Variants in ALDH1L1 observed in about 807,000 individuals in gnomAD.
The protein encoded by ALDH1L1 is cytosolic 10-formyltetrahydrofolate dehydrogenase.
In ALDH1L1, 68 loss-of-function variants were observed where a neutral mutation model predicts 101.1. That is an observed-to-expected ratio of 0.67 (90% CI 0.55 to 0.82). ALDH1L1 has a LOEUF of 0.82. Ranked by LOEUF, ALDH1L1 falls within the 40% of genes least tolerant of loss-of-function variation. The pLI, the probability that ALDH1L1 is intolerant of heterozygous loss-of-function variation, is 0.00. For synonymous variants in ALDH1L1, 486 were observed against 470.8 expected, an observed-to-expected ratio of 1.03 and a Z score of -0.42; for missense variants, 1,087 against 1,172.7, an observed-to-expected ratio of 0.93 and a Z score of 1.07.
intron 1 of ALDH1L1, among the ~76,000 whole-genome samples, chr3:126,191,885 A>G (rs1193758121): frequency 6.6e-6 from 1 of 152,192 alleles, no homozygotes; most frequent in African/African-American, 2.4e-5. Context: ...TACATGCCAA[A>G]TGAGGGGAGA....
At chr3:126,110,694 C>T (rs1037084209) in intron 19 of ALDH1L1, among the ~76,000 whole-genome samples, 2 of 152,090 alleles carry the variant, frequency 1.3e-5, no homozygotes, top group Non-Finnish European at 2.9e-5. Flanking sequence ...ACTCGAGCAC[C>T]CGGCACACCC....
chr3:126,196,091 C>A (rs189012129), intron 1 of ALDH1L1, among the ~76,000 whole-genome samples: 1 of 151,968 alleles, frequency 6.6e-6, no homozygotes, highest in Admixed American at 6.6e-5. Context: ...TGCACATGTA[C>A]CCTAGAACTT....
At chr3:126,139,944 AG>A (rs1047889505) in intron 9 of ALDH1L1, among the ~76,000 whole-genome samples, 2 of 59,416 alleles carry the variant, frequency 3.4e-5, no homozygotes, top group Admixed American at 3.5e-4. Flanking sequence ...ACATACTCAC[AG>A]GAGCTCCAGA....
chr3:126,196,495 A>G (rs1203589437), intron 1 of ALDH1L1, among the ~76,000 whole-genome samples: 1 of 151,716 alleles, frequency 6.6e-6, no homozygotes, highest in Non-Finnish European at 1.5e-5. Flanking sequence ...TTTTAACCAT[A>G]GTGCTCTTTC....
chr3:126,159,281 C>A, intron 2 of ALDH1L1: 1 of 385,986 alleles, frequency 2.6e-6, no homozygotes, highest in Non-Finnish European at 5.1e-6. Flanking sequence ...CAGGGCCCCT[C>A]CTCCTGCCCC....
intron 2 of ALDH1L1, among the ~76,000 whole-genome samples, chr3:126,158,917 C>T (rs1237943342): frequency 2.6e-5 from 4 of 152,260 alleles, no homozygotes; most frequent in Non-Finnish European, 5.9e-5. Flanking sequence ...CCTCATTCCT[C>T]TCCTGAGGCC....
intron 22 of ALDH1L1, chr3:126,105,401 C>T (rs1198563227): frequency 2.6e-6 from 1 of 384,710 alleles, no homozygotes; most frequent in South Asian, 2.2e-5. Flanking sequence ...AACACGGGCC[C>T]CTGGGTCTTC....
At chr3:126,138,666 G>A (rs1348644456) in intron 9 of ALDH1L1, among the ~76,000 whole-genome samples, 1 of 152,178 alleles carries the variant, frequency 6.6e-6, no homozygotes, top group East Asian at 1.9e-4. Context: ...TGAGCAACTG[G>A]AGCTTGCACA....
At chr3:126,156,740 A>G (rs998461554) in intron 4 of ALDH1L1, 1 of 152,254 alleles carries the variant, frequency 6.6e-6, no homozygotes, top group Admixed American at 6.5e-5. Flanking sequence ...TGTGACGGAG[A>G]CAGCCTATCA....
At chr3:126,189,389 C>T (rs2081539492) in intron 1 of ALDH1L1, among the ~76,000 whole-genome samples, 1 of 152,214 alleles carries the variant, frequency 6.6e-6, no homozygotes, top group South Asian at 2.1e-4. Context: ...ATGTCATCTG[C>T]TTCCAGGAAA....
At chr3:126,130,190 C>A (rs377232128) in intron 14 of ALDH1L1, 33 bp downstream of exon 14, 2 of 1,579,648 alleles carry the variant, frequency 1.3e-6, no homozygotes, top group South Asian at 1.2e-5. Context: ...GAAAGCACCG[C>A]GAGGCTGCAC....
At chr3:126,181,630 A>T (rs1474170097), upstream of ALDH1L1, 1 of 154,908 alleles carries the variant, frequency 6.5e-6, no homozygotes. Flanking sequence ...CACAGCACTT[A>T]ACTGTATATC....
chr3:126,156,637 C>G (rs1321062220), intron 4 of ALDH1L1: 1 of 152,386 alleles, frequency 6.6e-6, no homozygotes, highest in Non-Finnish European at 1.5e-5. Flanking sequence ...GCCTGCCACC[C>G]TGCCTCTCAG....
intron 18 of ALDH1L1, 119 bp from the exon 19 acceptor site, chr3:126,112,999 T>A: frequency 1.2e-6 from 1 of 816,554 alleles, no homozygotes; most frequent in Non-Finnish European, 2.0e-6. Context: ...TGTCCTGATC[T>A]CCTCCTGTGG....
In ALDH1L1 at chr3:126,158,776, TG is replaced by T. The variant is rs2080973451; in HGVS notation, c.128-138del. The T allele has an allele frequency of 7.8e-6, 6 of 772,600 alleles. No individual in the cohort carries two copies. In the South Asian group the frequency reaches 1.0e-4, roughly 13 times the overall value. The allele number at this position is 772,600 out of a possible 1,614,324, so 47.9% of individuals were successfully genotyped here. On this transcript the variant is annotated intron_variant, in intron 2 of 22. Coordinates refer to ENST00000393434, the MANE Select transcript of ALDH1L1 (RefSeq NM_012190.4). ...CACCCACACCCCAGCCAGGCTCCAC[TG>T]GGCAACACAGACGGATGCACCAGCC...
intron 1 of ALDH1L1, among the ~76,000 whole-genome samples, chr3:126,188,159 T>C (rs1423144256): frequency 6.6e-6 from 1 of 152,236 alleles, no homozygotes; most frequent in African/African-American, 2.4e-5. Flanking sequence ...TGAGTATACA[T>C]TTGATCCTTG....
intron 12 of ALDH1L1, among the ~76,000 whole-genome samples, chr3:126,132,780 A>G (rs1246521644): frequency 6.6e-6 from 1 of 150,654 alleles, no homozygotes; most frequent in Non-Finnish European, 1.5e-5. Flanking sequence ...ACATTCAGGT[A>G]GATGATAATT....
intron 1 of ALDH1L1, among the ~76,000 whole-genome samples, chr3:126,195,371 C>G (rs4350878): frequency 0.25 from 37,442 of 152,036 alleles, 5,086 homozygotes; most frequent in Middle Eastern, 0.39. Context: ...TTCTTTAGGC[C>G]AATTAATTAG....
At chr3:126,105,488 G>C in intron 22 of ALDH1L1, 1 of 554,880 alleles carries the variant, frequency 1.8e-6, no homozygotes, top group Non-Finnish European at 3.3e-6. Flanking sequence ...AGTGCCTCCT[G>C]GCTGGAGTGT....
Sources: allele counts gnomAD v4.1 joint callset (sites outside exome capture counted in the v4.1 genomes callset), GRCh38; gene constraint gnomAD v4.1.1; transcripts MANE v1.5; gene names NCBI Gene and HGNC (gene_info 2026-07-23, HGNC 2026-07-21).